LRRIQ1: variants seen among roughly 807,000 people sequenced by gnomAD.
The protein encoded by LRRIQ1 is leucine rich repeats and IQ motif containing 1.
LRRIQ1 carries 210 observed loss-of-function variants against 211.9 expected under a neutral mutation model. The ratio of observed to expected loss-of-function variants is 0.99; its 90% confidence interval spans 0.89 to 1.11. LRRIQ1 has a LOEUF of 1.11. Among genes scored for constraint, LRRIQ1 ranks in the 50% most tolerant of loss-of-function variants. The pLI is 0.00. For missense variants in LRRIQ1, 2,136 were observed against 1,939.5 expected (o/e 1.10, Z -1.90); for synonymous variants, 699 against 650.1 (o/e 1.08, Z -1.14).
rs556300390 is a variant in LRRIQ1, at chr12:85,125,403, A to G, written c.4007+884A>G. On this transcript the variant is annotated intron_variant, in intron 17 of 26. Transcript: ENST00000393217. ...AAATAATTTTAGAAAGCTAATGACTATTGAACCAGCAAGGATTAGGTTTTA... is the reference window on the plus strand; with the variant it reads ...AAATAATTTTAGAAAGCTAATGACTGTTGAACCAGCAAGGATTAGGTTTTA... Among the ~76,000 whole-genome samples, 4 of 152,262 alleles carry G rather than the reference A, an allele frequency of 2.6e-5. No individual in the cohort carries two copies. In the South Asian group the frequency reaches 8.3e-4, roughly 32 times the overall value.
At chr12:85,243,354 A>T (rs1174202242) in intron 26 of LRRIQ1, among the ~76,000 whole-genome samples, 1 of 115,586 alleles carries the variant, frequency 8.7e-6, no homozygotes, top group Non-Finnish European at 1.9e-5. Flanking sequence ...TTATTATTAT[A>T]CTTTAAGTTT....
At chr12:85,216,914 T>A (rs1319199437) in intron 24 of LRRIQ1, among the ~76,000 whole-genome samples, 6 of 152,018 alleles carry the variant, frequency 3.9e-5, no homozygotes, top group Non-Finnish European at 8.8e-5. Flanking sequence ...GGAAAACTCT[T>A]AAATATTCAG....
intron 24 of LRRIQ1, among the ~76,000 whole-genome samples, chr12:85,227,191 C>T (rs1381104159): frequency 1.3e-5 from 2 of 152,162 alleles, no homozygotes; most frequent in Admixed American, 1.3e-4. Flanking sequence ...TTCACATCCT[C>T]TCCAGCACCT....
At chr12:85,088,699 T>C (rs1308573105) in intron 11 of LRRIQ1, among the ~76,000 whole-genome samples, 1 of 152,182 alleles carries the variant, frequency 6.6e-6, no homozygotes, top group Non-Finnish European at 1.5e-5. Context: ...TTTTATTCTC[T>C]TTGAAGCAGT....
At chr12:85,116,700 C>T (rs1409209375) in intron 15 of LRRIQ1, among the ~76,000 whole-genome samples, 1 of 152,088 alleles carries the variant, frequency 6.6e-6, no homozygotes, top group Non-Finnish European at 1.5e-5. Context: ...GTTCCTCTCC[C>T]TCCTCCCACA....
At chr12:85,139,392 A>C (rs1206882520) in intron 19 of LRRIQ1, among the ~76,000 whole-genome samples, 1 of 151,430 alleles carries the variant, frequency 6.6e-6, no homozygotes, top group Non-Finnish European at 1.5e-5. Context: ...GGTCTAATTT[A>C]TTTCTGGTAA....
intron 19 of LRRIQ1, among the ~76,000 whole-genome samples, chr12:85,144,208 C>T (rs1889738083): frequency 6.6e-6 from 1 of 151,576 alleles, no homozygotes; most frequent in Non-Finnish European, 1.5e-5. Flanking sequence ...GGATAATGGT[C>T]TCCAAATCCA....
intron 7 of LRRIQ1, among the ~76,000 whole-genome samples, chr12:85,054,332 C>T (rs1880717314): frequency 1.3e-5 from 2 of 152,046 alleles, no homozygotes; most frequent in South Asian, 4.2e-4. Flanking sequence ...CATCCAGAGG[C>T]AAAAAGACAC....
chr12:85,204,848 A>G (rs1893466503), intron 24 of LRRIQ1, among the ~76,000 whole-genome samples: 1 of 152,130 alleles, frequency 6.6e-6, no homozygotes, highest in African/African-American at 2.4e-5. Flanking sequence ...TAATTCTGAA[A>G]TGAGTTAAGA....
chr12:85,088,696 C>T (rs1885081862), intron 11 of LRRIQ1, among the ~76,000 whole-genome samples: 1 of 152,074 alleles, frequency 6.6e-6, no homozygotes, highest in Non-Finnish European at 1.5e-5. Context: ...GTATTTTATT[C>T]TCTTTGAAGC....
At chr12:85,092,120 A>T (rs1026846703) in intron 11 of LRRIQ1, among the ~76,000 whole-genome samples, 2 of 152,200 alleles carry the variant, frequency 1.3e-5, no homozygotes, top group Non-Finnish European at 2.9e-5. Context: ...GCAAATACAG[A>T]TTAACATTTG....
intron 22 of LRRIQ1, 72 bp from the exon 23 acceptor site, chr12:85,153,936 ATGTC>A: frequency 1.9e-6 from 2 of 1,034,434 alleles, no homozygotes; most frequent in South Asian, 3.4e-5. Context: ...TCAGATATGC[ATGTC>A]TATTTTTATA....
At chr12:85,081,110 A>G (rs1884236478) in intron 11 of LRRIQ1, among the ~76,000 whole-genome samples, 1 of 152,110 alleles carries the variant, frequency 6.6e-6, no homozygotes, top group Non-Finnish European at 1.5e-5. Context: ...TGCTGATCCC[A>G]ACCAAAAGTA....
Position 85,104,013 on chromosome 12 carries a change from A to G in LRRIQ1, c.3219A>G (p.Lys1073=), listed in dbSNP as rs1886588744. ...TTGTTTTTGTTTTCAGCTTGACTAA[A>G]ATCGTACCACTTTTTCATTTTGTTT... The part of the protein sequence containing the change: ...NITISQNSLT[K]IVPLFHFVSL... Residue 1073 remains lysine (K), a synonymous_variant, in exon 14 of 27, where the codon AAA becomes AAG. Transcript: ENST00000393217. The G allele has an allele frequency of 1.9e-6, 3 of 1,567,294 alleles. No homozygotes were observed. The East Asian group carries it at 7.1e-5, about 37-fold the overall frequency.
chr12:85,094,336 T>C (rs1377008796), intron 11 of LRRIQ1, among the ~76,000 whole-genome samples: 2 of 152,108 alleles, frequency 1.3e-5, no homozygotes, highest in Non-Finnish European at 2.9e-5. Context: ...TTTTATTATA[T>C]ACTAAAATGT....
intron 13 of LRRIQ1, among the ~76,000 whole-genome samples, chr12:85,100,231 G>A (rs998282702): frequency 2.0e-5 from 3 of 151,612 alleles, no homozygotes; most frequent in South Asian, 2.1e-4. Flanking sequence ...GAAATTTTTT[G>A]ACAAGTAATG....
At chr12:85,190,284 AC>A (rs1245766989) in intron 24 of LRRIQ1, among the ~76,000 whole-genome samples, 3 of 145,614 alleles carry the variant, frequency 2.1e-5, no homozygotes, top group African/African-American at 7.4e-5. Flanking sequence ...TAACAACTAT[AC>A]AGTTAATAAT....
downstream of LRRIQ1, among the ~76,000 whole-genome samples, chr12:85,268,282 T>G (rs1373147869): frequency 1.3e-5 from 2 of 151,950 alleles, no homozygotes; most frequent in African/African-American, 2.4e-5. Context: ...TGTAGAATCT[T>G]TGGAAATGTA....
chr12:85,217,686 A>ATG (rs1303862604), intron 24 of LRRIQ1, among the ~76,000 whole-genome samples: 3 of 119,532 alleles, frequency 2.5e-5, no homozygotes, highest in African/African-American at 1.7e-4. Context: ...ATATGTATAT[A>ATG]TGTGTATATA....
Sources: gnomAD v4.1 joint callset for allele counts (sites outside exome capture counted in the v4.1 genomes callset) on GRCh38, gnomAD v4.1.1 for gene constraint, MANE v1.5 for transcripts, NCBI Gene and HGNC (gene_info 2026-07-23, HGNC 2026-07-21) for gene names.